The following PUS7L variants were observed in gnomAD, a reference collection of about 807,000 sequenced individuals.
PUS7L encodes the protein pseudouridylate synthase PUS7L.
PUS7L carries 49 observed loss-of-function variants against 51.1 expected under a neutral mutation model. The observed-to-expected ratio is 0.96, with a 90% CI of 0.76 to 1.22. PUS7L has a LOEUF of 1.22. Among genes scored for constraint, PUS7L ranks in the 50% most tolerant of loss-of-function variants. The pLI, the probability that PUS7L is intolerant of heterozygous loss-of-function variation, is 0.00. For synonymous variants in PUS7L, 277 were observed against 276.2 expected, an observed-to-expected ratio of 1.00 and a Z score of -0.03; for missense variants, 828 against 820.6, an observed-to-expected ratio of 1.01 and a Z score of -0.11.
At chr12:43,757,252 C>T (rs1938784113) in intron 1 of PUS7L, among the ~76,000 whole-genome samples, 1 of 152,152 alleles carries the variant, frequency 6.6e-6, no homozygotes, top group Non-Finnish European at 1.5e-5. Flanking sequence ...CTCACTGCAA[C>T]CTCCGCCTCC....
chr12:43,736,330 T>C (rs2137679729), intron 7 of PUS7L, 51 bp downstream of exon 7: 1 of 1,486,238 alleles, frequency 6.7e-7, no homozygotes, highest in Non-Finnish European at 9.2e-7. Context: ...GAAAAATTCA[T>C]GTTCTGGTAT....
rs1298920652 is a variant in PUS7L, at chr12:43,728,563, G to A, written c.*1813C>T. On this transcript the variant is annotated 3_prime_UTR_variant, in exon 9 of 9. Transcript: ENST00000344862. ...TTCATTCTCAATATAACATTAAAAT[G>A]ATGGCAGTAATCCAAAGAAAATCAA... The A allele has an allele frequency of 1.3e-5, 2 of 151,708 alleles. No individual in the cohort carries two copies. The highest frequency in any genetic ancestry group is 2.9e-5 in the Non-Finnish European group (2 of 67,914). The allele number at this position is 151,708 out of a possible 1,614,324, so 9.4% of individuals were successfully genotyped here. A position where few individuals can be genotyped will look rare whatever the true frequency, so the allele number is the denominator to read the frequency against.
At position 43,736,622 on chromosome 12, in the gene PUS7L, T is replaced by C. The variant is rs982553730; in HGVS notation, c.1484A>G (p.Lys495Arg). ...CTCCAACAATGCTCTCTCACGCACTTTGAATTCAGGCATCAATGAAAGTGT... is the reference window on the plus strand; with the variant it reads ...CTCCAACAATGCTCTCTCACGCACTCTGAATTCAGGCATCAATGAAAGTGT... Reference protein sequence around the residue: ...KGTLSLMPEFKVRERALLEAL... With the variant: ...KGTLSLMPEFRVRERALLEAL... Residue 495 changes from lysine (K) to arginine (R), a missense_variant, in exon 7 of 9, where the codon AAA becomes AGA. By Grantham distance (26) the Lys-to-Arg change is conservative. Coordinates refer to ENST00000344862, the MANE Select transcript of PUS7L (RefSeq NM_031292.5). 9 of 1,614,064 alleles carry C rather than the reference T, an allele frequency of 5.6e-6. No individual in the cohort carries two copies. Among genetic ancestry groups the C allele is most frequent in the Admixed American group, 3.3e-5 (2 of 60,014 alleles).
chr12:43,724,724 G>A lies in PUS7L; in HGVS notation c.*5652C>T, dbSNP rs371366871. On this transcript the variant is annotated 3_prime_UTR_variant, in exon 9 of 9. Transcript: ENST00000344862. The stretch of plus-strand genomic sequence containing the variant: ...TAAAGCAGTGGTAGAGCCCATCTCT[G>A]ATTTCAGGGATTCTCAACTGTACCA... 6.6e-6 allele frequency: 1 copy of A among 152,122 alleles called. No individual in the cohort carries two copies. The highest frequency in any genetic ancestry group is 1.5e-5 in the Non-Finnish European group (1 of 67,988). 9.4% of individuals were successfully genotyped at this position (152,122 alleles called of 1,614,324 possible).
rs957827661 is a variant in PUS7L, at chr12:43,720,089, C to A, written c.*10287G>T. The A allele has an allele frequency of 2.6e-5, 4 of 152,164 alleles. No homozygotes were observed. The highest frequency in any genetic ancestry group is 9.7e-5 in the African/African-American group (4 of 41,430). The allele number at this position is 152,164 out of a possible 1,614,324, so 9.4% of individuals were successfully genotyped here. Reference sequence around the variant, plus strand: ...CATAAGCATTTATGAATATAATCTCCCTCTACATGCTGCTTTAAGTGCATC... The same window carrying A: ...CATAAGCATTTATGAATATAATCTCACTCTACATGCTGCTTTAAGTGCATC... On this transcript the variant is annotated 3_prime_UTR_variant, in exon 9 of 9. Transcript: ENST00000344862.
chr12:43,755,355 C>G (rs1938653071), intron 1 of PUS7L, 94 bp from the exon 2 acceptor site: 1 of 714,778 alleles, frequency 1.4e-6, no homozygotes, highest in African/African-American at 1.8e-5. Flanking sequence ...TTAATTCTGT[C>G]TCTCTTTTAA....
At chr12:43,741,492 G>C (rs1404716284) in intron 5 of PUS7L, among the ~76,000 whole-genome samples, 1 of 152,202 alleles carries the variant, frequency 6.6e-6, no homozygotes, top group African/African-American at 2.4e-5. Context: ...CAGAACTCAA[G>C]TAGAACATCT....
Position 43,730,473 on chromosome 12 carries a change from A to G in PUS7L, c.2009T>C (p.Ile670Thr). The change falls in exon 9 of 9, where the codon ATT (isoleucine) becomes ACT (threonine). Residue 670 changes from isoleucine to threonine, a missense_variant. By Grantham distance (89) the Ile-to-Thr change is moderately conservative. Transcript: ENST00000344862. ...CAAAAGAGACAAAGCTGTTTCATCAATGTGGGAACCTTTCGTTTTGACATC... is the reference window on the plus strand; with the variant it reads ...CAAAAGAGACAAAGCTGTTTCATCAGTGTGGGAACCTTTCGTTTTGACATC... ...DIDVKTKGSH[I>T]DETALSLLIS... 1 of 1,613,820 alleles carries G rather than the reference A, an allele frequency of 6.2e-7. No individual in the cohort carries two copies. The highest frequency in any genetic ancestry group is 8.5e-7 in the Non-Finnish European group (1 of 1,179,762).
rs1326834788 is a variant in PUS7L, at chr12:43,730,383, T to C, written c.2099A>G (p.Asp700Gly). The change falls in exon 9 of 9, where the codon GAC (aspartate) becomes GGC (glycine). Residue 700 changes from aspartate to glycine, a missense_variant. By Grantham distance (94) the Asp-to-Gly change is moderately conservative. Transcript: ENST00000344862. ...TVCLKEIMKH[D>G]V is the part of the protein sequence containing the mutation. ...ATACCAAGGGTATCAGTTTTAAACG[T>C]CATGCTTCATTATTTCCTTCAGACA... 6.2e-7 allele frequency: 1 copy of C among 1,612,652 alleles called. No individual in the cohort carries two copies. The highest frequency in any genetic ancestry group is 8.5e-7 in the Non-Finnish European group (1 of 1,179,094).
intron 4 of PUS7L, among the ~76,000 whole-genome samples, chr12:43,744,469 G>A (rs1328404973): frequency 6.6e-6 from 1 of 152,164 alleles, no homozygotes; most frequent in Non-Finnish European, 1.5e-5. Context: ...CCTGTGAAGA[G>A]GTGCCTTCTG....
At position 43,720,177 on chromosome 12, in the gene PUS7L, T is replaced by C. The variant is rs922843994; in HGVS notation, c.*10199A>G. The C allele has an allele frequency of 6.6e-6, 1 of 152,238 alleles. No individual in the cohort carries two copies. Among genetic ancestry groups the C allele is most frequent in the African/African-American group, 2.4e-5 (1 of 41,466 alleles). 9.4% of individuals were successfully genotyped at this position (152,238 alleles called of 1,614,324 possible). On this transcript the variant is annotated 3_prime_UTR_variant, in exon 9 of 9. Coordinates refer to ENST00000344862, the MANE Select transcript of PUS7L (RefSeq NM_031292.5). ...GACTTAAAAATATTTTCTAATTTCATTTTGTCTTACTTGACATATAGATTA... is the reference window on the plus strand; with the variant it reads ...GACTTAAAAATATTTTCTAATTTCACTTTGTCTTACTTGACATATAGATTA...
chr12:43,754,905 C>G lies in PUS7L; in HGVS notation c.341G>C (p.Gly114Ala). ...AGCTTTTTCTTCACATTTGGAAGTTCCATCAACGATAGTATCTTCCTTTTC... is the reference window on the plus strand; with the variant it reads ...AGCTTTTTCTTCACATTTGGAAGTTGCATCAACGATAGTATCTTCCTTTTC... ...GSEKEDTIVD[G>A]TSKCEEKADV... is the part of the protein sequence containing the mutation. The change falls in exon 2 of 9, where the codon GGA (glycine) becomes GCA (alanine). Residue 114 changes from glycine (G) to alanine (A), a missense_variant. By Grantham distance (60) the Gly-to-Ala change is moderately conservative. Coordinates refer to ENST00000344862, the MANE Select transcript of PUS7L (RefSeq NM_031292.5). The G allele has an allele frequency of 6.2e-7, 1 of 1,613,798 alleles. No homozygotes were observed. The highest frequency in any genetic ancestry group is 8.5e-7 in the Non-Finnish European group (1 of 1,179,832).
At chr12:43,732,222 G>A (rs780372141) in intron 7 of PUS7L, among the ~76,000 whole-genome samples, 13 of 151,800 alleles carry the variant, frequency 8.6e-5, no homozygotes, top group Non-Finnish European at 1.8e-4. Flanking sequence ...TGGGAGGATC[G>A]CTTGAGGCCA....
intron 7 of PUS7L, among the ~76,000 whole-genome samples, chr12:43,735,600 AC>A (rs990638907): frequency 2.0e-5 from 3 of 150,624 alleles, no homozygotes; most frequent in Non-Finnish European, 4.4e-5. Context: ...TCTAAGTCCT[AC>A]CTTTTCTTTT....
intron 5 of PUS7L, chr12:43,739,831 G>A (rs1197238445): frequency 1.3e-5 from 2 of 152,106 alleles, no homozygotes; most frequent in Non-Finnish European, 2.9e-5. Context: ...TGGAGAAGAG[G>A]TTATATTGAG....
intron 4 of PUS7L, among the ~76,000 whole-genome samples, chr12:43,743,371 T>C (rs932046049): frequency 1.3e-5 from 2 of 152,320 alleles, no homozygotes; most frequent in East Asian, 3.9e-4. Flanking sequence ...ACAATTATTA[T>C]TGAATACCAA....
At chr12:43,756,967 T>G (rs1454326892) in intron 1 of PUS7L, among the ~76,000 whole-genome samples, 18 of 152,184 alleles carry the variant, frequency 1.2e-4, no homozygotes, top group Admixed American at 1.2e-3. Flanking sequence ...CATCTAAGAT[T>G]AGGGACCCTG....
intron 1 of PUS7L, 65 bp downstream of exon 1, chr12:43,758,665 C>CACACA: frequency 5.3e-6 from 3 of 562,706 alleles, no homozygotes; most frequent in Non-Finnish European, 6.0e-6. Context: ...CCCCCCCCCC[C>CACACA]CACACACACA....
In PUS7L at chr12:43,723,560, T is replaced by A. The variant is rs1258292647; in HGVS notation, c.*6816A>T. The A allele has an allele frequency of 6.6e-6, 1 of 152,112 alleles. No individual in the cohort carries two copies. Among genetic ancestry groups the A allele is most frequent in the Non-Finnish European group, 1.5e-5 (1 of 67,954 alleles). 9.4% of individuals were successfully genotyped at this position (152,112 alleles called of 1,614,324 possible). On this transcript the variant is annotated 3_prime_UTR_variant, in exon 9 of 9. Coordinates refer to ENST00000344862, the MANE Select transcript of PUS7L (RefSeq NM_031292.5). ...TTACCATTTAGTCTGCATATTCCAC[T>A]TGCAAGTGGCATTTCAAATCAAATG...
Sources: gnomAD v4.1 joint callset for allele counts (sites outside exome capture counted in the v4.1 genomes callset) on GRCh38, gnomAD v4.1.1 for gene constraint, MANE v1.5 for transcripts, NCBI Gene and HGNC (gene_info 2026-07-23, HGNC 2026-07-21) for gene names.